IFT140: variants seen among roughly 807,000 people sequenced by gnomAD.
IFT140 encodes intraflagellar transport protein 140 homolog.
Under a neutral mutation model 164.6 loss-of-function variants are expected in IFT140, and 133 were observed. The ratio of observed to expected loss-of-function variants is 0.81; its 90% confidence interval spans 0.70 to 0.93. The LOEUF (loss-of-function observed/expected upper bound fraction) is 0.93. Ranked by LOEUF, IFT140 falls within the 40% of genes least tolerant of loss-of-function variation. IFT140 has a pLI of 0.00. For missense variants in IFT140, 2,045 were observed against 1,972.3 expected (o/e 1.04, Z -0.70); for synonymous variants, 860 against 817.3 (o/e 1.05, Z -0.89).
At chr16:1,607,411 G>C (rs961155052) in intron 2 of IFT140, 114 bp from the exon 3 acceptor site, 12 of 922,848 alleles carry the variant, frequency 1.3e-5, no homozygotes, top group Non-Finnish European at 1.9e-5. Context: ...GAAGACCATC[G>C]GCAACTTGAA....
At position 1,588,028 on chromosome 16, in the gene IFT140, T is replaced by C. The variant is rs764373729; in HGVS notation, c.811-4A>G. 1 of 1,613,272 alleles carries C rather than the reference T, an allele frequency of 6.2e-7. No individual in the cohort carries two copies. The highest frequency in any genetic ancestry group is 8.5e-7 in the Non-Finnish European group (1 of 1,179,606). Reference sequence around the variant, plus strand: ...CGGTTTTCCCGCTCAGCTTGACCTGTGTGAGGAAACAACCGAGCAGAGGCA... The same window carrying C: ...CGGTTTTCCCGCTCAGCTTGACCTGCGTGAGGAAACAACCGAGCAGAGGCA... On this transcript the variant is annotated splice_region_variant and splice_polypyrimidine_tract_variant and intron_variant, in intron 7 of 30. Transcript: ENST00000426508.
intron 19 of IFT140, among the ~76,000 whole-genome samples, chr16:1,546,290 C>T (rs905077869): frequency 1.3e-5 from 2 of 152,214 alleles, no homozygotes; most frequent in African/African-American, 4.8e-5. Context: ...CCGGGAGGCT[C>T]CCTGGCACTC....
chr16:1,560,671 T>TG (rs2033356105), intron 18 of IFT140, among the ~76,000 whole-genome samples: 1 of 152,190 alleles, frequency 6.6e-6, no homozygotes, highest in Non-Finnish European at 1.5e-5. Flanking sequence ...AATGTCCCTC[T>TG]GGGGTCTACG....
intron 5 of IFT140, 52 bp from the exon 6 acceptor site, chr16:1,592,370 C>T (rs1265840303): frequency 6.8e-6 from 11 of 1,612,536 alleles, no homozygotes; most frequent in African/African-American, 1.3e-5. Flanking sequence ...CCTACAGCAC[C>T]TCAGGGCTGG....
At chr16:1,602,702 G>GATCCACCCACCTCAGCCTCCCAA in intron 3 of IFT140, 111 bp from the exon 4 acceptor site, 1 of 964,506 alleles carries the variant, frequency 1.0e-6, no homozygotes, top group Non-Finnish European at 1.6e-6. Context: ...AGCACTTTGG[G>GATCCACCCACCTCAGCCTCCCAA]AGGCTGAGGT....
chr16:1,570,818 C>T lies in IFT140; in HGVS notation c.1652+589G>A, dbSNP rs146836129. ...TGGCCCAGGCTGGAGTGCAGTGGCA[C>T]AACCACAGCTCACCGCAACCTCGAT... is the stretch of plus-strand genomic sequence containing the variant. On this transcript the variant is annotated intron_variant, in intron 14 of 30. Coordinates refer to ENST00000426508, the MANE Select transcript of IFT140 (RefSeq NM_014714.4). Among the ~76,000 whole-genome samples the T allele has an allele frequency of 2.3e-3, 350 of 152,286 alleles. 5 individuals are homozygous for T. The highest frequency in any genetic ancestry group is 7.8e-3 in the African/African-American group (326 of 41,548).
intron 19 of IFT140, among the ~76,000 whole-genome samples, chr16:1,529,326 G>T (rs1343206642): frequency 6.6e-6 from 1 of 152,210 alleles, no homozygotes. Flanking sequence ...AGCGTCTGGG[G>T]GGCCGGGAAG....
chr16:1,525,750 G>A (rs1185845493), intron 21 of IFT140, 137 bp downstream of exon 21: 17 of 923,446 alleles, frequency 1.8e-5, no homozygotes, highest in East Asian at 8.2e-5. Flanking sequence ...GCTTCCTGCC[G>A]AGAAGGCTGC....
intron 13 of IFT140, chr16:1,577,138 C>T (rs2034319921): frequency 6.6e-6 from 1 of 152,114 alleles, no homozygotes; most frequent in African/African-American, 2.4e-5. Context: ...TGGAAGTGCT[C>T]CCGAGAAGCA....
Position 1,510,757 on chromosome 16 carries a change from CAG to C in IFT140, c.*185_*186del, listed in dbSNP as rs1163477479. The C allele has an allele frequency of 1.8e-5, 11 of 616,970 alleles. No individual in the cohort carries two copies. Among genetic ancestry groups the C allele is most frequent in the Admixed American group, 2.8e-5 (1 of 35,522 alleles). The allele number at this position is 616,970 out of a possible 1,614,324, so 38.2% of individuals were successfully genotyped here. ...GCCGGGCACCCAGAGGCAGGTGGGACAGAGCAAGGTGCAGACGGGTCACACCC... is the reference window on the plus strand; with the variant it reads ...GCCGGGCACCCAGAGGCAGGTGGGACAGCAAGGTGCAGACGGGTCACACCC... On this transcript the variant is annotated 3_prime_UTR_variant, in exon 31 of 31. Transcript: ENST00000426508.
rs559293157 is a variant in IFT140 at position 1,583,324 on chromosome 16, T to G, written c.1422A>C (p.Ile474=). 6.2e-7 allele frequency: 1 copy of G among 1,613,984 alleles called. No individual in the cohort carries two copies. The highest frequency in any genetic ancestry group is 2.2e-5 in the East Asian group (1 of 44,894). ...VAIFELSGAA[I]RSAGTFLCET... ...GTGAAAAGAACCCACCTGCACTCCG[T>G]ATCGCGGCTCCAGAAAGCTCGAAGA... The change falls in exon 12 of 31, where the codon ATA becomes ATC. Residue 474 remains isoleucine (I), a synonymous_variant. Coordinates refer to ENST00000426508, the MANE Select transcript of IFT140 (RefSeq NM_014714.4).
rs556252477 is a variant in IFT140, at chr16:1,526,376, G to A, written c.2577+243C>T. 149 of 564,680 alleles carry A rather than the reference G, an allele frequency of 2.6e-4. 2 individuals are homozygous for A. The Middle Eastern group carries it at 3.4e-3, about 13-fold the overall frequency. 35.0% of individuals were successfully genotyped at this position (564,680 alleles called of 1,614,324 possible). ...AGCCCTGCTGACCTGGGGGTCTCTCGGGCGCTCTGTTCCAGGCCCACACAC... is the reference window on the plus strand; with the variant it reads ...AGCCCTGCTGACCTGGGGGTCTCTCAGGCGCTCTGTTCCAGGCCCACACAC... On this transcript the variant is annotated intron_variant, in intron 20 of 30. Transcript: ENST00000426508.
chr16:1,537,987 G>A (rs554149235), intron 19 of IFT140, among the ~76,000 whole-genome samples: 2 of 152,234 alleles, frequency 1.3e-5, no homozygotes, highest in Non-Finnish European at 2.9e-5. Flanking sequence ...CGTTCTCACC[G>A]ACACCTTTAA....
At chr16:1,598,969 G>A (rs2035611009) in intron 4 of IFT140, among the ~76,000 whole-genome samples, 1 of 140,032 alleles carries the variant, frequency 7.1e-6, no homozygotes, top group Admixed American at 7.1e-5. Context: ...AGGAAGTGAG[G>A]AGCGCCTCTT....
chr16:1,557,635 T>G, intron 19 of IFT140: 2 of 337,734 alleles, frequency 5.9e-6, no homozygotes, highest in South Asian at 1.0e-4. Context: ...CAAACTTCTG[T>G]TTAGGAGCAA....
intron 19 of IFT140, among the ~76,000 whole-genome samples, chr16:1,554,509 C>G (rs1361035063): frequency 2.0e-5 from 3 of 152,180 alleles, no homozygotes; most frequent in Admixed American, 2.0e-4. Flanking sequence ...CAGACACATA[C>G]CACCCCTCCA....
chr16:1,520,461 T>C, intron 27 of IFT140, 118 bp from the exon 28 acceptor site: 1 of 1,333,972 alleles, frequency 7.5e-7, no homozygotes, highest in Non-Finnish European at 1.0e-6. Context: ...TAGAGAGAGA[T>C]CTTAGTGGTT....
At chr16:1,563,972 C>T (rs776667461) in intron 17 of IFT140, 25 bp downstream of exon 17, 1 of 1,538,622 alleles carries the variant, frequency 6.5e-7, no homozygotes, top group Non-Finnish European at 8.8e-7. Flanking sequence ...TGTGTCTAAA[C>T]TCAAATACAA....
chr16:1,524,748 G>A (rs1441643468), intron 23 of IFT140, 36 bp downstream of exon 23: 4 of 1,587,464 alleles, frequency 2.5e-6, no homozygotes, highest in Non-Finnish European at 2.6e-6. Context: ...TGTCTGCCTC[G>A]TGTCCGCCTG....
Sources: allele counts gnomAD v4.1 joint callset (sites outside exome capture counted in the v4.1 genomes callset), GRCh38; gene constraint gnomAD v4.1.1; transcripts MANE v1.5; gene names NCBI Gene and HGNC (gene_info 2026-07-23, HGNC 2026-07-21).